The following CLCN3 variants were observed in gnomAD, a reference collection of about 807,000 sequenced individuals.
CLCN3 encodes the protein H(+)/Cl(-) exchange transporter 3.
In CLCN3, 16 loss-of-function variants were observed where a neutral mutation model predicts 83.4. The ratio of observed to expected loss-of-function variants is 0.19; its 90% CI spans 0.13 to 0.29. CLCN3 has a LOEUF of 0.29. Ranked by LOEUF, CLCN3 falls within the 10% of genes least tolerant of loss-of-function variation. The pLI, the probability that CLCN3 is intolerant of heterozygous loss-of-function variation, is 1.00. For synonymous variants in CLCN3, 322 were observed against 346.2 expected (o/e 0.93, Z 0.78); for missense variants, 544 against 1,006.0 (o/e 0.54, Z 6.21).
chr4:169,664,621 A>C (rs1731179016), intron 2 of CLCN3, among the ~76,000 whole-genome samples: 1 of 152,210 alleles, frequency 6.6e-6, no homozygotes, highest in Non-Finnish European at 1.5e-5. Context: ...TGGTGTCAGA[A>C]ACTCCTTGTT....
intron 9 of CLCN3, among the ~76,000 whole-genome samples, chr4:169,700,830 T>TA (rs1732758257): frequency 6.6e-6 from 1 of 152,176 alleles, no homozygotes; most frequent in African/African-American, 2.4e-5. Context: ...TTATGTCTTT[T>TA]AAAAAAGTAA....
chr4:169,679,336 G>A (rs1381124593), intron 2 of CLCN3, among the ~76,000 whole-genome samples: 11 of 151,416 alleles, frequency 7.3e-5, no homozygotes, highest in African/African-American at 2.7e-4. Context: ...ACGGGATGGC[G>A]GCGGGGAAGA....
At chr4:169,699,272 T>C (rs1560867159) in intron 9 of CLCN3, among the ~76,000 whole-genome samples, 1 of 152,226 alleles carries the variant, frequency 6.6e-6, no homozygotes, top group Non-Finnish European at 1.5e-5. Context: ...CTGGGTCTTA[T>C]GCCCTGGGAC....
chr4:169,673,606 A>G (rs1731562362), intron 2 of CLCN3, among the ~76,000 whole-genome samples: 1 of 152,048 alleles, frequency 6.6e-6, no homozygotes, highest in South Asian at 2.1e-4. Context: ...CCAGTAGTCC[A>G]TATTTCTTCA....
chr4:169,688,609 G>T (rs1394856864), intron 4 of CLCN3, among the ~76,000 whole-genome samples: 1 of 151,866 alleles, frequency 6.6e-6, no homozygotes, highest in Non-Finnish European at 1.5e-5. Flanking sequence ...TTGATATATG[G>T]TTTTCTGTAA....
In CLCN3 at chr4:169,672,220, T is replaced by TAGATAGATAGATAGATA. The variant is rs1553968499; in HGVS notation, c.161-7830_161-7829insAGATAGATAGATAGATA. Among the ~76,000 whole-genome samples, 1,017 of 145,602 alleles carry TAGATAGATAGATAGATA rather than the reference T, an allele frequency of 7.0e-3. 16 individuals carry two copies. Among genetic ancestry groups the TAGATAGATAGATAGATA allele is most frequent in the African/African-American group, 0.02 (773 of 39,260 alleles). On this transcript the variant is annotated intron_variant, in intron 2 of 12. Transcript: ENST00000513761. ...GAGCGAGTCTCCATCTCAAAATAAA[T>TAGATAGATAGATAGATA]GATAGATAGATAGATAGATAGATAG...
intron 12 of CLCN3, among the ~76,000 whole-genome samples, chr4:169,716,614 G>A (rs1390685050): frequency 6.6e-6 from 1 of 152,046 alleles, no homozygotes; most frequent in Non-Finnish European, 1.5e-5. Flanking sequence ...TTTTGGAGGG[G>A]GAAGTTGCTC....
At chr4:169,716,965 T>A (rs1733445149) in intron 12 of CLCN3, among the ~76,000 whole-genome samples, 1 of 152,230 alleles carries the variant, frequency 6.6e-6, no homozygotes, top group African/African-American at 2.4e-5. Context: ...AAGGTTTTTT[T>A]ATTTTCACTG....
At chr4:169,667,243 A>G (rs1160290851) in intron 2 of CLCN3, among the ~76,000 whole-genome samples, 2 of 152,164 alleles carry the variant, frequency 1.3e-5, no homozygotes, top group Non-Finnish European at 2.9e-5. Flanking sequence ...CATTTATTCA[A>G]AAGACTATTC....
At chr4:169,719,358 G>C (rs926951096) in intron 12 of CLCN3, among the ~76,000 whole-genome samples, 1 of 152,234 alleles carries the variant, frequency 6.6e-6, no homozygotes, top group Non-Finnish European at 1.5e-5. Flanking sequence ...TTGGGAAGCT[G>C]AGGCAGGAGA....
intron 12 of CLCN3, among the ~76,000 whole-genome samples, chr4:169,714,713 T>C (rs141292033): frequency 6.6e-6 from 1 of 152,224 alleles, no homozygotes. Context: ...TAGATCTATG[T>C]TTAGTGTTTT....
intron 1 of CLCN3, among the ~76,000 whole-genome samples, chr4:169,622,168 T>TA (rs1773126882): frequency 6.6e-6 from 1 of 152,214 alleles, no homozygotes; most frequent in Non-Finnish European, 1.5e-5. Flanking sequence ...TTTTAAGAAG[T>TA]CAATATGAAT....
chr4:169,703,387 A>G (rs1172269821), intron 9 of CLCN3, among the ~76,000 whole-genome samples: 2 of 152,246 alleles, frequency 1.3e-5, no homozygotes, highest in East Asian at 1.9e-4. Context: ...ACATTGTACC[A>G]CTTAAGATGA....
chr4:169,679,366 A>G (rs527316379), intron 2 of CLCN3, among the ~76,000 whole-genome samples: 3 of 146,958 alleles, frequency 2.0e-5, no homozygotes, highest in African/African-American at 7.7e-5. Context: ...CACTTCCTAG[A>G]TGGGATGGCG....
intron 1 of CLCN3, among the ~76,000 whole-genome samples, chr4:169,625,201 C>T (rs528277164): frequency 6.6e-6 from 1 of 152,202 alleles, no homozygotes; most frequent in Non-Finnish European, 1.5e-5. Flanking sequence ...TCTCTGCCAT[C>T]GTTGCTCTTG....
chr4:169,712,118 C>T (rs1581284157), intron 11 of CLCN3, among the ~76,000 whole-genome samples: 1 of 151,556 alleles, frequency 6.6e-6, no homozygotes, highest in East Asian at 1.9e-4. Context: ...CTGCCTCGGC[C>T]TCCCAAAGTG....
At chr4:169,681,952 T>C (rs1731957291) in intron 3 of CLCN3, among the ~76,000 whole-genome samples, 1 of 152,228 alleles carries the variant, frequency 6.6e-6, no homozygotes, top group South Asian at 2.1e-4. Context: ...CATACACAGA[T>C]AATATAGTTG....
chr4:169,684,911 A>G (rs1034673892), intron 3 of CLCN3, among the ~76,000 whole-genome samples: 1 of 151,494 alleles, frequency 6.6e-6, no homozygotes, highest in Non-Finnish European at 1.5e-5. Flanking sequence ...GAAAAATTTT[A>G]GGTAATCTGT....
intron 12 of CLCN3, 137 bp downstream of exon 12, chr4:169,713,432 T>C (rs568956620): frequency 3.5e-5 from 22 of 631,686 alleles, no homozygotes; most frequent in South Asian, 1.6e-4. Context: ...GTCACAAATA[T>C]AGGATCAGTC....
Sources: allele counts gnomAD v4.1 joint callset (sites outside exome capture counted in the v4.1 genomes callset), GRCh38; gene constraint gnomAD v4.1.1; transcripts MANE v1.5; gene names NCBI Gene and HGNC (gene_info 2026-07-23, HGNC 2026-07-21).